Variants in AFP observed in about 807,000 individuals in gnomAD.
AFP encodes the protein alpha-fetoprotein.
AFP carries 64 observed loss-of-function variants against 78.9 expected under a neutral mutation model. That is an observed-to-expected ratio of 0.81 (90% CI 0.66 to 1.00). The LOEUF (loss-of-function observed/expected upper bound fraction) is 1.00. Ranked by LOEUF, AFP falls within the 50% of genes least tolerant of loss-of-function variation. The pLI, the probability that AFP is intolerant of heterozygous loss-of-function variation, is 0.00. For missense variants in AFP, 689 were observed against 703.8 expected (o/e 0.98, Z 0.24); for synonymous variants, 254 against 243.8 (o/e 1.04, Z -0.39).
intron 2 of AFP, among the ~76,000 whole-genome samples, chr4:73,437,695 C>T (rs556779710): frequency 2.0e-5 from 3 of 152,158 alleles, no homozygotes; most frequent in South Asian, 4.1e-4. Context: ...TAGTGTGTTG[C>T]TGTTACTCCT....
At chr4:73,450,203 C>G (rs1577958269) in intron 10 of AFP, 70 bp downstream of exon 10, 1 of 1,239,322 alleles carries the variant, frequency 8.1e-7, no homozygotes, top group Admixed American at 1.9e-5. Context: ...CCCCATTCTC[C>G]TCCTTTGGAA....
Position 73,436,353 on chromosome 4 carries a change from AT to A in AFP, c.85+7del. The A allele has an allele frequency of 6.5e-7, 1 of 1,541,968 alleles. No homozygotes were observed. The highest frequency in any genetic ancestry group is 8.9e-7 in the Non-Finnish European group (1 of 1,128,258). The stretch of plus-strand genomic sequence containing the variant: ...TAGAAATGAATATGGAATAGGTGAG[AT>A]ATTTTGTGTTTTTCTTGTCTTTTCT... On this transcript the variant is annotated splice_region_variant and intron_variant, in intron 1 of 14. Coordinates refer to ENST00000395792, the MANE Select transcript of AFP (RefSeq NM_001134.3).
Position 73,449,393 on chromosome 4 carries a change from G to A in AFP, c.1117G>A (p.Val373Ile), listed in dbSNP as rs1349992595. 1 of 1,613,458 alleles carries A rather than the reference G, an allele frequency of 6.2e-7. No individual in the cohort carries two copies. The highest frequency in any genetic ancestry group is 2.2e-5 in the East Asian group (1 of 44,786). Residue 373 changes from valine (V) to isoleucine (I), a missense_variant, in exon 9 of 15, where the codon GTT (valine) becomes ATT (isoleucine). Coordinates refer to ENST00000395792, the MANE Select transcript of AFP (RefSeq NM_001134.3). ...GCTTGCTGTCTCAGTAATTCTAAGA[G>A]TTGCTAAAGGATACCAGGAGTTATT... ...PQLAVSVILR[V>I]AKGYQELLEK...
At chr4:73,439,557 A>G (rs923863753) in intron 3 of AFP, among the ~76,000 whole-genome samples, 11 of 152,210 alleles carry the variant, frequency 7.2e-5, no homozygotes, top group Middle Eastern at 3.2e-3. Context: ...TGTCTTTTAA[A>G]TGAGGATTGG....
At chr4:73,444,951 G>T in intron 6 of AFP, 42 bp from the exon 7 acceptor site, 2 of 1,530,946 alleles carry the variant, frequency 1.3e-6, no homozygotes, top group South Asian at 2.3e-5. Flanking sequence ...TATTTTGACA[G>T]ATAACCAAGA....
At chr4:73,439,937 G>A (rs1249560690) in intron 3 of AFP, among the ~76,000 whole-genome samples, 2 of 5,086 alleles carry the variant, frequency 3.9e-4, no homozygotes, top group Non-Finnish European at 4.2e-3. Context: ...GTGTGTGTGT[G>A]TATATGTATA....
At chr4:73,436,437 C>T in intron 1 of AFP, 90 bp downstream of exon 1, 2 of 718,460 alleles carry the variant, frequency 2.8e-6, no homozygotes, top group African/African-American at 1.8e-5. Flanking sequence ...ATTTATTATT[C>T]ATATTTATTA....
chr4:73,450,192 TC>T, intron 10 of AFP, 59 bp downstream of exon 10: 1 of 1,278,584 alleles, frequency 7.8e-7, no homozygotes, highest in Non-Finnish European at 1.1e-6. Flanking sequence ...AATGTAGCCT[TC>T]CCCATTCTCC....
chr4:73,437,257 A>G (rs1383310782), intron 2 of AFP, 46 bp downstream of exon 2: 3 of 1,473,504 alleles, frequency 2.0e-6, no homozygotes, highest in African/African-American at 2.8e-5. Context: ...TAAAGCAAGG[A>G]TAAGTAAATA....
intron 13 of AFP, 33 bp downstream of exon 13, chr4:73,453,930 T>C (rs766180115): frequency 6.2e-7 from 1 of 1,612,746 alleles, no homozygotes; most frequent in African/African-American, 1.3e-5. Flanking sequence ...TCAAAATACT[T>C]GCTATGGAAT....
In AFP at chr4:73,449,436, C is replaced by T. The variant is rs755564892; in HGVS notation, c.1160C>T (p.Thr387Ile). ...GAGTTATTGGAGAAGTGTTTCCAGA[C>T]TGAAAACCCTCTTGAATGCCAAGAT... ...YQELLEKCFQ[T>I]ENPLECQDKG... Residue 387 changes from threonine (T) to isoleucine (I), a missense_variant, in exon 9 of 15, where the codon ACT becomes ATT. Thr to Ile is a moderately conservative substitution (Grantham distance 89, BLOSUM62 -1). Transcript: ENST00000395792. 8.7e-6 allele frequency: 14 copies of T among 1,613,616 alleles called. No individual in the cohort carries two copies. The highest frequency in any genetic ancestry group is 1.1e-5 in the Non-Finnish European group (13 of 1,179,698).
intron 7 of AFP, among the ~76,000 whole-genome samples, chr4:73,446,842 CAT>C (rs1454927101): frequency 6.6e-6 from 1 of 152,108 alleles, no homozygotes; most frequent in African/African-American, 2.4e-5. Flanking sequence ...ATTAAAATAA[CAT>C]AGGATTTAGC....
chr4:73,451,671 G>A (rs973794394), intron 11 of AFP, among the ~76,000 whole-genome samples: 2 of 152,178 alleles, frequency 1.3e-5, no homozygotes, highest in African/African-American at 2.4e-5. Context: ...CAGTGGGAAA[G>A]CAACTTATGT....
chr4:73,440,539 T>C, intron 3 of AFP, 63 bp from the exon 4 acceptor site: 1 of 1,295,206 alleles, frequency 7.7e-7, no homozygotes, highest in Non-Finnish European at 1.1e-6. Context: ...ATGTTTCATG[T>C]GTCTTATAGA....
At position 73,455,867 on chromosome 4, in the gene AFP, G is replaced by A. The variant is rs1720144947; in HGVS notation, c.*247G>A. On this transcript the variant is annotated 3_prime_UTR_variant, in exon 15 of 15. Coordinates refer to ENST00000395792, the MANE Select transcript of AFP (RefSeq NM_001134.3). ...GTCTGAAGCAGATTCTGTTAAAATA[G>A]CATTAAGTGTTGGTTATTATAGGAG... 7.3e-6 allele frequency: 4 copies of A among 551,466 alleles called. No individual in the cohort carries two copies. The highest frequency in any genetic ancestry group is 6.9e-5 in the Admixed American group (2 of 28,796). 34.2% of individuals were successfully genotyped at this position (551,466 alleles called of 1,614,324 possible).
At chr4:73,450,461 C>T in intron 10 of AFP, 154 bp from the exon 11 acceptor site, 1 of 993,898 alleles carries the variant, frequency 1.0e-6, no homozygotes, top group Non-Finnish European at 1.5e-6. Context: ...AGAGTAAATG[C>T]ATCTCAAAAG....
At chr4:73,446,744 G>A (rs1719840759) in intron 7 of AFP, among the ~76,000 whole-genome samples, 1 of 151,952 alleles carries the variant, frequency 6.6e-6, no homozygotes, top group Middle Eastern at 3.2e-3. Flanking sequence ...TTGTTTAGGG[G>A]CAAATTTGAA....
chr4:73,445,858 T>C (rs893969061), intron 7 of AFP, among the ~76,000 whole-genome samples: 7 of 152,122 alleles, frequency 4.6e-5, no homozygotes, highest in Non-Finnish European at 1.0e-4. Context: ...ATTGGCTTAT[T>C]TTGGCTAACC....
At chr4:73,452,342 A>C in intron 11 of AFP, 59 bp from the exon 12 acceptor site, 2 of 1,445,448 alleles carry the variant, frequency 1.4e-6, no homozygotes, top group Non-Finnish European at 1.9e-6. Flanking sequence ...TGAAAAACTG[A>C]ACCAACTTTG....
Sources: allele counts gnomAD v4.1 joint callset (sites outside exome capture counted in the v4.1 genomes callset), GRCh38; gene constraint gnomAD v4.1.1; transcripts MANE v1.5; gene names NCBI Gene and HGNC (gene_info 2026-07-23, HGNC 2026-07-21).